Variants in CTNNBIP1 observed in about 807,000 individuals in gnomAD.
CTNNBIP1 encodes catenin beta interacting protein 1.
A neutral mutation model predicts 11.8 loss-of-function variants in CTNNBIP1; 7 were observed. That is an observed-to-expected ratio of 0.60 (90% CI 0.34 to 1.12). CTNNBIP1 has a LOEUF of 1.12. Among genes scored for constraint, CTNNBIP1 ranks in the 50% most tolerant of loss-of-function variants. CTNNBIP1 has a pLI of 0.03. For missense variants in CTNNBIP1, 101 were observed against 113.4 expected, an observed-to-expected ratio of 0.89 and a Z score of 0.50; for synonymous variants, 58 against 43.9, an observed-to-expected ratio of 1.32 and a Z score of -1.26.
intron 5 of CTNNBIP1, among the ~76,000 whole-genome samples, chr1:9,853,391 T>C (rs75183145): frequency 0.017 from 2,553 of 152,342 alleles, 60 homozygotes; most frequent in African/African-American, 0.057. Context: ...GGTTCCCCTT[T>C]TCCTCTTCTC....
chr1:9,881,596 C>A (rs1183318292), intron 2 of CTNNBIP1, among the ~76,000 whole-genome samples: 1 of 152,064 alleles, frequency 6.6e-6, no homozygotes, highest in Non-Finnish European at 1.5e-5. Context: ...GCCTCAGTCT[C>A]CCAAAGTGCT....
At chr1:9,860,578 C>T (rs1305341453) in intron 5 of CTNNBIP1, among the ~76,000 whole-genome samples, 5 of 147,258 alleles carry the variant, frequency 3.4e-5, no homozygotes, top group African/African-American at 1.0e-4. Flanking sequence ...CCACTGCATT[C>T]TGCATTCTGG....
chr1:9,876,003 A>T (rs1346759315), intron 3 of CTNNBIP1, among the ~76,000 whole-genome samples: 1 of 152,238 alleles, frequency 6.6e-6, no homozygotes, highest in African/African-American at 2.4e-5. Flanking sequence ...CAAACGTGCT[A>T]TTATATTTTT....
intron 1 of CTNNBIP1, among the ~76,000 whole-genome samples, chr1:9,887,771 G>A (rs1639215280): frequency 6.6e-6 from 1 of 152,002 alleles, no homozygotes. Context: ...CCAACCCACT[G>A]CCAATCAGAG....
chr1:9,870,322 G>A (rs1040927194), intron 5 of CTNNBIP1, among the ~76,000 whole-genome samples: 3 of 152,348 alleles, frequency 2.0e-5, no homozygotes, highest in African/African-American at 7.2e-5. Flanking sequence ...GGAGATGCTG[G>A]TCAGAATACT....
At chr1:9,900,987 T>G (rs1639510405) in intron 1 of CTNNBIP1, among the ~76,000 whole-genome samples, 1 of 152,134 alleles carries the variant, frequency 6.6e-6, no homozygotes, top group Non-Finnish European at 1.5e-5. Context: ...TTTGCTCCCT[T>G]CTTGGTAAGT....
chr1:9,852,714 A>C (rs1316635543), intron 5 of CTNNBIP1, among the ~76,000 whole-genome samples: 1 of 152,154 alleles, frequency 6.6e-6, no homozygotes, highest in African/African-American at 2.4e-5. Context: ...GAGTCTGTGA[A>C]AGGGGAGTTG....
chr1:9,905,483 CA>C (rs1407409259), intron 1 of CTNNBIP1, among the ~76,000 whole-genome samples: 1 of 151,884 alleles, frequency 6.6e-6, no homozygotes, highest in African/African-American at 2.4e-5. Flanking sequence ...AGGGCAGTGG[CA>C]CGATCTTGGC....
intron 5 of CTNNBIP1, among the ~76,000 whole-genome samples, chr1:9,854,248 C>T (rs918098620): frequency 3.3e-5 from 5 of 151,872 alleles, no homozygotes; most frequent in African/African-American, 1.2e-4. Context: ...GTGGCACATG[C>T]CTGTGTTACT....
intron 2 of CTNNBIP1, among the ~76,000 whole-genome samples, chr1:9,879,186 G>T (rs927381166): frequency 1.4e-5 from 2 of 147,720 alleles, no homozygotes; most frequent in African/African-American, 5.1e-5. Flanking sequence ...AACAGTGTGA[G>T]ACTCCATCTC....
intron 5 of CTNNBIP1, among the ~76,000 whole-genome samples, chr1:9,870,789 G>T (rs1483951231): frequency 6.6e-6 from 1 of 152,224 alleles, no homozygotes; most frequent in African/African-American, 2.4e-5. Flanking sequence ...TGACAGCATT[G>T]TTCTAGCACA....
At position 9,907,210 on chromosome 1, in the gene CTNNBIP1, G is replaced by A. The variant is rs1233739496; in HGVS notation, c.-144+2885C>T. ...TTTTGAGACAGAGTCTTCCTCCGTC[G>A]CCCAGGCTGGAGTGCAGTGGCACGA... On this transcript the variant is annotated intron_variant, in intron 1 of 5. Coordinates refer to ENST00000377263, the MANE Select transcript of CTNNBIP1 (RefSeq NM_020248.3). Among the ~76,000 whole-genome samples the A allele has an allele frequency of 5.9e-5, 9 of 152,068 alleles. No homozygotes were observed. The East Asian group carries it at 1.3e-3, about 23-fold the overall frequency.
chr1:9,907,852 A>G (rs754431717), intron 1 of CTNNBIP1, among the ~76,000 whole-genome samples: 4 of 152,164 alleles, frequency 2.6e-5, no homozygotes, highest in Non-Finnish European at 5.9e-5. Flanking sequence ...GGCAGCTGCA[A>G]TAGTCTGTCT....
At chr1:9,896,582 C>T (rs1427295975) in intron 1 of CTNNBIP1, among the ~76,000 whole-genome samples, 1 of 152,098 alleles carries the variant, frequency 6.6e-6, no homozygotes, top group Admixed American at 6.5e-5. Flanking sequence ...CGCTTCTAAT[C>T]CCAGGATTTT....
At chr1:9,858,496 C>G (rs1378965251) in intron 5 of CTNNBIP1, among the ~76,000 whole-genome samples, 1 of 152,304 alleles carries the variant, frequency 6.6e-6, no homozygotes, top group African/African-American at 2.4e-5. Context: ...GTCCTTACAC[C>G]CCAGGGCCTT....
Position 9,867,348 on chromosome 1 carries a change from C to T in CTNNBIP1, c.187+3839G>A, listed in dbSNP as rs953794279. On this transcript the variant is annotated intron_variant, in intron 5 of 5. Coordinates refer to ENST00000377263, the MANE Select transcript of CTNNBIP1 (RefSeq NM_020248.3). The surrounding 1 kb of genome is among the most constrained non-coding windows in gnomAD (Gnocchi z 4.6). ...CAGGGTCTCCAGCACCTGCCTGGCT[C>T]CCCATAGATACTCAACAAATGTGAC... 3.9e-5 allele frequency among the ~76,000 whole-genome samples: 6 copies of T among 152,170 alleles called. No homozygotes were observed. Among genetic ancestry groups the T allele is most frequent in the African/African-American group, 9.7e-5 (4 of 41,434 alleles).
chr1:9,909,546 G>C (rs1639688197), intron 1 of CTNNBIP1, among the ~76,000 whole-genome samples: 1 of 152,144 alleles, frequency 6.6e-6, no homozygotes. Flanking sequence ...GAGAGGTGCA[G>C]TTTGGGGCTC....
rs1638877809 is a variant in CTNNBIP1, at chr1:9,872,194, CCA to C, written c.-24-108_-24-107del. 6.7e-5 allele frequency: 47 copies of C among 701,778 alleles called. No individual in the cohort carries two copies. The South Asian group carries it at 7.4e-4, about 11-fold the overall frequency. 43.5% of individuals were successfully genotyped at this position (701,778 alleles called of 1,614,324 possible). A position where few individuals can be genotyped will look rare whatever the true frequency, so the allele number is the denominator to read the frequency against. ...ACTCCTCCCAGGAGCCGCTTTCCACCCACAGTCTCCCTTCTGGGAGCATGGGG... is the reference window on the plus strand; with the variant it reads ...ACTCCTCCCAGGAGCCGCTTTCCACCCAGTCTCCCTTCTGGGAGCATGGGG... On this transcript the variant is annotated intron_variant, in intron 3 of 5. Transcript: ENST00000377263. The surrounding 1 kb of genome is among the most constrained non-coding windows in gnomAD (Gnocchi z 4.0).
At chr1:9,902,956 G>A (rs1352948319) in intron 1 of CTNNBIP1, among the ~76,000 whole-genome samples, 2 of 151,974 alleles carry the variant, frequency 1.3e-5, no homozygotes, top group African/African-American at 4.8e-5. Context: ...TAGTAAAGAC[G>A]GGGTTTCACC....
Sources: gnomAD v4.1 joint callset for allele counts (sites outside exome capture counted in the v4.1 genomes callset) on GRCh38, gnomAD v4.1.1 for gene constraint, Gnocchi (gnomAD v3.1) non-coding constraint, MANE v1.5 for transcripts, NCBI Gene and HGNC (gene_info 2026-07-23, HGNC 2026-07-21) for gene names.